The following SORBS3 variants were observed in gnomAD, a reference collection of about 807,000 sequenced individuals.
SORBS3 encodes the protein vinexin.
SORBS3 carries 69 observed loss-of-function variants against 98.0 expected under a neutral mutation model. The observed-to-expected ratio is 0.70, with a 90% CI of 0.58 to 0.86. SORBS3 has a LOEUF of 0.86. SORBS3 is among the 40% of genes least tolerant of loss of function. The pLI, the probability that SORBS3 is intolerant of heterozygous loss-of-function variation, is 0.00. For synonymous variants in SORBS3, 394 were observed against 355.4 expected, an observed-to-expected ratio of 1.11 and a Z score of -1.22; for missense variants, 954 against 908.5, an observed-to-expected ratio of 1.05 and a Z score of -0.64.
chr8:22,554,452 A>G lies in SORBS3; in HGVS notation c.-55A>G. On this transcript the variant is annotated splice_region_variant and 5_prime_UTR_variant, in exon 2 of 21. Transcript: ENST00000240123. This position sits in a 1 kb window ranked among gnomAD's most constrained non-coding sequence, Gnocchi z 6.5. ...TCCCTTCCTTCCTCCTTCCCCACAGAGGACACGCAGAGGAGCAGCTGGCTT... is the reference window on the plus strand; with the variant it reads ...TCCCTTCCTTCCTCCTTCCCCACAGGGGACACGCAGAGGAGCAGCTGGCTT... 2 of 1,583,760 alleles carry G rather than the reference A, an allele frequency of 1.3e-6. No homozygotes were observed. Among genetic ancestry groups the G allele is most frequent in the Non-Finnish European group, 1.7e-6 (2 of 1,169,922 alleles).
intron 6 of SORBS3, 92 bp downstream of exon 6, chr8:22,561,465 G>A (rs1840293454): frequency 2.8e-6 from 4 of 1,438,172 alleles, no homozygotes; most frequent in Non-Finnish European, 3.9e-6. Flanking sequence ...CCTGGCTTTG[G>A]GGCTCTCCAG....
chr8:22,571,433 A>C (rs1282969915), intron 18 of SORBS3, among the ~76,000 whole-genome samples: 3 of 152,076 alleles, frequency 2.0e-5, no homozygotes, highest in African/African-American at 7.2e-5. Flanking sequence ...TGGAATCCCA[A>C]AGCCGGCCCA....
In SORBS3 at chr8:22,571,159, CAG is replaced by C. The variant is rs1192235740; in HGVS notation, c.1683_1684del (p.Gln561HisfsTer16). 6.3e-7 allele frequency: 1 copy of C among 1,589,816 alleles called. No individual in the cohort carries two copies. On this transcript the variant is annotated frameshift_variant, in exon 18 of 21. Coordinates refer to ENST00000240123, the MANE Select transcript of SORBS3 (RefSeq NM_005775.5). LOFTEE classifies it high-confidence loss of function. ...SPADPIDLGG[Q>X]TSPRRTGFSF... ...AGCTGACCCCATCGACTTGGGGGGA[CAG>C]ACCTCCCCCCGTCGCACTGGCTTCT...
intron 1 of SORBS3, among the ~76,000 whole-genome samples, chr8:22,552,466 G>A (rs935832875): frequency 1.1e-4 from 17 of 152,224 alleles, no homozygotes; most frequent in African/African-American, 4.1e-4. Flanking sequence ...TAAGTCTCCT[G>A]ACCTGGCTGC....
At chr8:22,553,910 C>T (rs938115354) in intron 1 of SORBS3, among the ~76,000 whole-genome samples, 1 of 152,178 alleles carries the variant, frequency 6.6e-6, no homozygotes, top group East Asian at 1.9e-4. Context: ...ATGCCCCCGA[C>T]GCTCCCCTTG....
chr8:22,554,065 G>A lies in SORBS3; in HGVS notation c.-55-387G>A, dbSNP rs1038580811. On this transcript the variant is annotated intron_variant, in intron 1 of 20. Coordinates refer to ENST00000240123, the MANE Select transcript of SORBS3 (RefSeq NM_005775.5). The surrounding 1 kb of genome is among the most constrained non-coding windows in gnomAD (Gnocchi z 6.5). ...CTGAAACAAAGTCCTGTGTTCCCAG[G>A]CCCCCTCTCTGCCGGCTGCCCCACT... Among the ~76,000 whole-genome samples, 3 of 152,160 alleles carry A rather than the reference G, an allele frequency of 2.0e-5. No individual in the cohort carries two copies. Among genetic ancestry groups the A allele is most frequent in the African/African-American group, 4.8e-5 (2 of 41,444 alleles).
chr8:22,564,566 G>A (rs778836442), intron 10 of SORBS3, 45 bp downstream of exon 10: 1 of 1,611,030 alleles, frequency 6.2e-7, no homozygotes, highest in Non-Finnish European at 8.5e-7. Flanking sequence ...ATAAACCAGG[G>A]AGATTAGGGT....
rs149634131 is a variant in SORBS3, at chr8:22,554,578, C to T, written c.72C>T (p.Ser24=). ...LDDFIPGHLQ[S]HIGSSSRGTR... ...ACTTCATCCCTGGCCACCTCCAGTC[C>T]CACATAGGGTCTTCCTCCCGGGGGA... The change falls in exon 2 of 21, where the codon TCC becomes TCT. Residue 24 remains serine (S), a synonymous_variant. Transcript: ENST00000240123. This position sits in a 1 kb window ranked among gnomAD's most constrained non-coding sequence, Gnocchi z 6.5. 2.8e-5 allele frequency: 45 copies of T among 1,612,788 alleles called. No homozygotes were observed. The African/African-American group carries it at 5.9e-4, about 21-fold the overall frequency.
intron 20 of SORBS3, among the ~76,000 whole-genome samples, chr8:22,573,615 A>AG (rs946281681): frequency 7.2e-6 from 1 of 138,166 alleles, no homozygotes; most frequent in African/African-American, 2.7e-5. Flanking sequence ...CTGGAAGGGC[A>AG]GGGGAAGGAT....
chr8:22,573,439 C>T (rs1327647806), intron 20 of SORBS3: 3 of 454,062 alleles, frequency 6.6e-6, no homozygotes, highest in South Asian at 3.1e-5. Flanking sequence ...CAGCCACCGG[C>T]GGCATTCAGC....
At chr8:22,557,826 A>G (rs139751238) in intron 4 of SORBS3, among the ~76,000 whole-genome samples, 198 of 152,272 alleles carry the variant, frequency 1.3e-3, no homozygotes, top group African/African-American at 4.6e-3. Context: ...CAAAAGAAAA[A>G]TGTTCTTTGT....
At chr8:22,559,950 C>T (rs1437837495) in intron 5 of SORBS3, among the ~76,000 whole-genome samples, 1 of 150,912 alleles carries the variant, frequency 6.6e-6, no homozygotes, top group Non-Finnish European at 1.5e-5. Flanking sequence ...ACCTGTAATC[C>T]TAGCTACTCC....
Position 22,554,423 on chromosome 8 carries a change from G to T in SORBS3, c.-55-29G>T. The stretch of plus-strand genomic sequence containing the variant: ...GGCATGGGCAGCCTAGCCTAGCAGG[G>T]CTTTCCCTTCCTTCCTCCTTCCCCA... On this transcript the variant is annotated intron_variant, in intron 1 of 20. Transcript: ENST00000240123. This position sits in a 1 kb window ranked among gnomAD's most constrained non-coding sequence, Gnocchi z 6.5. 1.3e-6 allele frequency: 2 copies of T among 1,549,256 alleles called. No homozygotes were observed. The highest frequency in any genetic ancestry group is 1.7e-6 in the Non-Finnish European group (2 of 1,155,356).
Position 22,566,671 on chromosome 8 carries a change from C to G in SORBS3, c.1101C>G (p.Ala367=). Residue 367 remains alanine (A), a synonymous_variant, in exon 14 of 21, where the codon GCC becomes GCG. Coordinates refer to ENST00000240123, the MANE Select transcript of SORBS3 (RefSeq NM_005775.5). ...VYPSSTRDPS[A]SNGGGSPARR... ...TGTGCTTCTCCACAGACCCTAGTGC[C>G]TCTAACGGAGGGGGCAGCCCAGCCA... 1 of 1,608,660 alleles carries G rather than the reference C, an allele frequency of 6.2e-7. No homozygotes were observed. The highest frequency in any genetic ancestry group is 8.5e-7 in the Non-Finnish European group (1 of 1,178,386).
At position 22,557,006 on chromosome 8, in the gene SORBS3, G is replaced by A. The variant is rs747990308; in HGVS notation, c.414+98G>A. ...AAATGGGGGTGGGGCAATAAAGGCCGCACCCAAACCATCCCAGATTAAGCA... is the reference window on the plus strand; with the variant it reads ...AAATGGGGGTGGGGCAATAAAGGCCACACCCAAACCATCCCAGATTAAGCA... On this transcript the variant is annotated intron_variant, in intron 4 of 20. Coordinates refer to ENST00000240123, the MANE Select transcript of SORBS3 (RefSeq NM_005775.5). 1.2e-4 allele frequency: 158 copies of A among 1,329,316 alleles called. 1 individual carries two copies. The highest frequency in any genetic ancestry group is 1.2e-4 in the Non-Finnish European group (113 of 962,054). The allele number at this position is 1,329,316 out of a possible 1,614,324, so 82.3% of individuals were successfully genotyped here.
At position 22,566,409 on chromosome 8, in the gene SORBS3, A is replaced by C; in HGVS notation, c.1015A>C (p.Ser339Arg). Residue 339 changes from serine to arginine, a missense_variant, in exon 13 of 21, where the codon AGT becomes CGT. Transcript: ENST00000240123. ...APYLGSARSL[S>R]PHKMADGGSP... ...TTACCTGGGTTCCGCCCGGTCCCTG[A>C]GTCCCCACAAAATGGCTGATGGAGG... is the stretch of plus-strand genomic sequence containing the variant. 1 of 1,614,102 alleles carries C rather than the reference A, an allele frequency of 6.2e-7. No homozygotes were observed. Among genetic ancestry groups the C allele is most frequent in the Non-Finnish European group, 8.5e-7 (1 of 1,179,998 alleles).
chr8:22,562,339 C>G (rs1840314697), intron 7 of SORBS3, among the ~76,000 whole-genome samples: 1 of 152,168 alleles, frequency 6.6e-6, no homozygotes, highest in South Asian at 2.1e-4. Flanking sequence ...TGAGAGAAAA[C>G]AAGGGATATG....
upstream of SORBS3, among the ~76,000 whole-genome samples, chr8:22,549,397 C>G (rs374235960): frequency 2.0e-5 from 3 of 152,222 alleles, no homozygotes; most frequent in African/African-American, 4.8e-5. Context: ...GGGGAGCTGA[C>G]GCTAGAGGGA....
At position 22,572,529 on chromosome 8, in the gene SORBS3, C is replaced by T. The variant is rs570254568; in HGVS notation, c.1954+83C>T. On this transcript the variant is annotated intron_variant, in intron 20 of 20. Transcript: ENST00000240123. ...CTGTTGCCTGCCAGTGCTGCTTCAG[C>T]AAAGATTCATGGCCGACCACCCCCC... is the stretch of plus-strand genomic sequence containing the variant. The T allele has an allele frequency of 1.3e-5, 15 of 1,134,192 alleles. No individual in the cohort carries two copies. In the African/African-American group the frequency reaches 2.3e-4, roughly 17 times the overall value. 70.3% of individuals were successfully genotyped at this position (1,134,192 alleles called of 1,614,324 possible). A position where few individuals can be genotyped will look rare whatever the true frequency, so the allele number is the denominator to read the frequency against.
Sources: allele counts gnomAD v4.1 joint callset (sites outside exome capture counted in the v4.1 genomes callset), GRCh38; gene constraint gnomAD v4.1.1; non-coding constraint Gnocchi (gnomAD v3.1); transcripts MANE v1.5; gene names NCBI Gene and HGNC (gene_info 2026-07-23, HGNC 2026-07-21).